The following TTC39B variants were observed in gnomAD, a reference collection of about 807,000 sequenced individuals.
TTC39B encodes the protein tetratricopeptide repeat protein 39B.
A neutral mutation model predicts 96.6 loss-of-function variants in TTC39B; 92 were observed. That is an observed-to-expected ratio of 0.95 (90% confidence interval 0.80 to 1.13). The LOEUF is 1.13. TTC39B is among the 50% of genes most tolerant of loss of function. The pLI is 0.00. For synonymous variants in TTC39B, 367 were observed against 299.4 expected, an observed-to-expected ratio of 1.23 and a Z score of -2.33; for missense variants, 955 against 809.3, an observed-to-expected ratio of 1.18 and a Z score of -2.18.
At chr9:15,164,167 G>A (rs1443345355) in exon 20 of TTC39B, 3 of 152,126 alleles carry the variant, frequency 2.0e-5, no homozygotes, top group Non-Finnish European at 4.4e-5. Flanking sequence ...CACATATTCA[G>A]TTTCTAAAAA....
chr9:15,250,974 G>C (rs1281645443), intron 2 of TTC39B, among the ~76,000 whole-genome samples: 1 of 152,044 alleles, frequency 6.6e-6, no homozygotes, highest in South Asian at 2.1e-4. Flanking sequence ...GAGGGGGGCA[G>C]ATCACAAGGT....
chr9:15,261,471 TC>T (rs1822943501), intron 2 of TTC39B, among the ~76,000 whole-genome samples: 2 of 86,268 alleles, frequency 2.3e-5, no homozygotes, highest in African/African-American at 1.4e-4. Context: ...TGAGATCCTA[TC>T]AAAAAAAAAC....
rs1388675120 is a variant in TTC39B, at chr9:15,199,626, T to G, written c.824+235A>C. Among the ~76,000 whole-genome samples, 3 of 147,978 alleles carry G rather than the reference T, an allele frequency of 2.0e-5. No homozygotes were observed. The Admixed American group carries it at 2.1e-4, about 10-fold the overall frequency. ...GGCGGGCGCCTGTAGTCCCAGCTAC[T>G]CGGGAGGATGAGGCAGGAGAATGGC... On this transcript the variant is annotated intron_variant, in intron 8 of 19. Coordinates refer to ENST00000512701, the Ensembl canonical transcript of TTC39B.
chr9:15,231,667 T>G (rs1056937315), intron 2 of TTC39B, among the ~76,000 whole-genome samples: 1 of 152,230 alleles, frequency 6.6e-6, no homozygotes. Flanking sequence ...AAATCATAGA[T>G]AGCAGAGCCA....
At chr9:15,204,795 T>C (rs901844541) in intron 6 of TTC39B, among the ~76,000 whole-genome samples, 2 of 152,132 alleles carry the variant, frequency 1.3e-5, no homozygotes, top group Non-Finnish European at 1.5e-5. Flanking sequence ...TTTGATCATG[T>C]AGATGTCTAG....
chr9:15,300,487 A>G (rs972008435), intron 1 of TTC39B, among the ~76,000 whole-genome samples: 3 of 152,196 alleles, frequency 2.0e-5, no homozygotes, highest in African/African-American at 7.2e-5. Flanking sequence ...TAACTGTTGC[A>G]ACAGCCTTTT....
At chr9:15,205,067 C>T (rs1412790143) in intron 6 of TTC39B, among the ~76,000 whole-genome samples, 8 of 152,184 alleles carry the variant, frequency 5.3e-5, no homozygotes, top group African/African-American at 1.9e-4. Flanking sequence ...CTGCCATGTA[C>T]GAGCTATGGG....
chr9:15,272,633 G>T (rs904892517), intron 1 of TTC39B, among the ~76,000 whole-genome samples: 5 of 152,128 alleles, frequency 3.3e-5, no homozygotes, highest in African/African-American at 1.2e-4. Context: ...ATAATACACT[G>T]CCTCCAAACA....
chr9:15,275,144 C>A (rs1428741191), intron 1 of TTC39B, among the ~76,000 whole-genome samples: 6 of 151,956 alleles, frequency 3.9e-5, no homozygotes, highest in Non-Finnish European at 7.4e-5. Context: ...CCAGTTCAAG[C>A]GATTCTCCTG....
At chr9:15,215,581 G>A (rs1820468232) in intron 3 of TTC39B, among the ~76,000 whole-genome samples, 1 of 146,316 alleles carries the variant, frequency 6.8e-6, no homozygotes, top group Non-Finnish European at 1.5e-5. Context: ...AAATGAGACA[G>A]GCACGGTGGC....
chr9:15,253,461 G>C (rs1291194483), intron 2 of TTC39B, among the ~76,000 whole-genome samples: 1 of 152,318 alleles, frequency 6.6e-6, no homozygotes, highest in South Asian at 2.1e-4. Context: ...CCTCTCAAGG[G>C]AGCACGGCCA....
exon 20 of TTC39B, chr9:15,167,009 T>A (rs1817536472): frequency 1.3e-4 from 1 of 7,622 alleles, no homozygotes; most frequent in Non-Finnish European, 2.4e-4. Flanking sequence ...TATATATATA[T>A]ATATATATAT....
exon 20 of TTC39B, chr9:15,169,984 G>C (rs1444179056): frequency 6.6e-6 from 1 of 152,036 alleles, no homozygotes; most frequent in African/African-American, 2.4e-5. Flanking sequence ...ATGTGAGTGT[G>C]CGCTTTCAAA....
chr9:15,203,266 T>G (rs1042360399), intron 7 of TTC39B, among the ~76,000 whole-genome samples: 1 of 152,154 alleles, frequency 6.6e-6, no homozygotes, highest in African/African-American at 2.4e-5. Flanking sequence ...CTTTTTTGTT[T>G]TTGAGACAAA....
intron 13 of TTC39B, 123 bp from the exon 14 acceptor site, chr9:15,188,255 A>G (rs1818650526): frequency 6.8e-6 from 6 of 882,330 alleles, no homozygotes; most frequent in Non-Finnish European, 9.9e-6. Context: ...AAACCTCTCA[A>G]TATGATGATA....
At chr9:15,299,529 G>C (rs1173091584) in intron 1 of TTC39B, among the ~76,000 whole-genome samples, 1 of 152,118 alleles carries the variant, frequency 6.6e-6, no homozygotes, top group East Asian at 1.9e-4. Context: ...ACGAAGCACA[G>C]GGGGAGAAAA....
At chr9:15,298,815 TC>T (rs1400587476) in intron 1 of TTC39B, among the ~76,000 whole-genome samples, 1 of 152,142 alleles carries the variant, frequency 6.6e-6, no homozygotes, top group African/African-American at 2.4e-5. Flanking sequence ...CAGCCTTGAT[TC>T]CTGACACTCC....
chr9:15,285,134 G>A (rs956954756), intron 1 of TTC39B, among the ~76,000 whole-genome samples: 4 of 151,972 alleles, frequency 2.6e-5, no homozygotes, highest in Non-Finnish European at 4.4e-5. Flanking sequence ...GCGTGGTGGC[G>A]GGCGCCTGTA....
chr9:15,208,290 T>C (rs1819993009), intron 6 of TTC39B, among the ~76,000 whole-genome samples: 1 of 152,002 alleles, frequency 6.6e-6, no homozygotes, highest in African/African-American at 2.4e-5. Flanking sequence ...CCCAAAGTGC[T>C]GGGATTACAG....
Sources: gnomAD v4.1 joint callset for allele counts (sites outside exome capture counted in the v4.1 genomes callset) on GRCh38, gnomAD v4.1.1 for gene constraint, MANE v1.5 for transcripts, NCBI Gene and HGNC (gene_info 2026-07-23, HGNC 2026-07-21) for gene names.